The following LDAH variants were observed in gnomAD, a reference collection of about 807,000 sequenced individuals.
LDAH encodes the protein lipid droplet associated hydrolase.
LDAH carries 26 observed loss-of-function variants against 29.6 expected under a neutral mutation model. That is an observed-to-expected ratio of 0.88 (90% CI 0.64 to 1.22). The LOEUF (loss-of-function observed/expected upper bound fraction) is 1.22, where lower values mean the gene tolerates loss of function less well. Among genes scored for constraint, LDAH ranks in the 50% most tolerant of loss-of-function variants. The pLI, the probability that LDAH is intolerant of heterozygous loss-of-function variation, is 0.00. For missense variants in LDAH, 344 were observed against 387.3 expected (o/e 0.89, Z 0.94); for synonymous variants, 117 against 133.0 (o/e 0.88, Z 0.83).
intron 5 of LDAH, among the ~76,000 whole-genome samples, chr2:20,709,271 C>T (rs1664525575): frequency 6.6e-6 from 1 of 151,930 alleles, no homozygotes; most frequent in African/African-American, 2.4e-5. Context: ...GACTTGGGTC[C>T]CATTCCCAAA....
Position 20,703,689 on chromosome 2 carries a change from G to A in LDAH, c.704-2037C>T, listed in dbSNP as rs887818172. Among the ~76,000 whole-genome samples, 5 of 151,898 alleles carry A rather than the reference G, an allele frequency of 3.3e-5. No individual in the cohort carries two copies. In the East Asian group the frequency reaches 9.6e-4, roughly 29 times the overall value. Reference sequence around the variant, plus strand: ...ATATTTTTCTGAGTCAATTCTTCCTGGAGACCTCCTTTCCAGGACCCTGAG... The same window carrying A: ...ATATTTTTCTGAGTCAATTCTTCCTAGAGACCTCCTTTCCAGGACCCTGAG... On this transcript the variant is annotated intron_variant, in intron 5 of 6. Transcript: ENST00000237822.
At chr2:20,817,974 TAGAC>T (rs1022463770) in intron 1 of LDAH, among the ~76,000 whole-genome samples, 5 of 152,112 alleles carry the variant, frequency 3.3e-5, no homozygotes, top group African/African-American at 1.2e-4. Flanking sequence ...TGGGACAAGA[TAGAC>T]TGACTATAAG....
chr2:20,719,765 T>A (rs1026692631), intron 5 of LDAH, among the ~76,000 whole-genome samples: 1 of 151,964 alleles, frequency 6.6e-6, no homozygotes, highest in African/African-American at 2.4e-5. Context: ...ATTGAAAAGA[T>A]CACCATGATC....
At chr2:20,819,540 C>T (rs1460369866) in intron 1 of LDAH, among the ~76,000 whole-genome samples, 1 of 152,158 alleles carries the variant, frequency 6.6e-6, no homozygotes, top group Non-Finnish European at 1.5e-5. Flanking sequence ...TCAATAGATG[C>T]AGAAAAGGCC....
intron 6 of LDAH, among the ~76,000 whole-genome samples, chr2:20,694,714 G>A (rs1286989794): frequency 6.6e-6 from 1 of 152,214 alleles, no homozygotes; most frequent in African/African-American, 2.4e-5. Context: ...GGTGGGAATG[G>A]GAGCGCCAAA....
At position 20,698,308 on chromosome 2, in the gene LDAH, TACATAGGGAGTAAC is replaced by T. The variant is rs561897960; in HGVS notation, c.786+3248_786+3261del. Among the ~76,000 whole-genome samples, 228 of 152,322 alleles carry T rather than the reference TACATAGGGAGTAAC, an allele frequency of 1.5e-3. 4 individuals are homozygous for T. In the South Asian group the frequency reaches 0.044, roughly 29 times the overall value. On this transcript the variant is annotated intron_variant, in intron 6 of 6. Transcript: ENST00000237822. The surrounding 1 kb of genome is among the most constrained non-coding windows in gnomAD (Gnocchi z 4.4). Reference sequence around the variant, plus strand: ...CTGTGTGATAAATGCAATATAACTTTACATAGGGAGTAACATCTAACCAAAACCAAGGACTGGGA... The same window carrying T: ...CTGTGTGATAAATGCAATATAACTTTATCTAACCAAAACCAAGGACTGGGA...
At chr2:20,708,663 T>C (rs1025144880) in intron 5 of LDAH, among the ~76,000 whole-genome samples, 4 of 152,174 alleles carry the variant, frequency 2.6e-5, no homozygotes. Context: ...CTACCTCACA[T>C]GACATAGGAA....
intron 5 of LDAH, among the ~76,000 whole-genome samples, chr2:20,731,443 G>A (rs1666401825): frequency 1.3e-5 from 2 of 152,212 alleles, no homozygotes; most frequent in South Asian, 4.1e-4. Context: ...GTCCGCAGAA[G>A]TGGATGCCTC....
intron 5 of LDAH, among the ~76,000 whole-genome samples, chr2:20,729,072 T>G (rs192279052): frequency 7.6e-4 from 116 of 152,348 alleles, no homozygotes; most frequent in Middle Eastern, 3.4e-3. Context: ...CAAGCAACAA[T>G]GTAGTATAAA....
rs768788522 is a variant in LDAH at position 20,685,811 on chromosome 2, A to G, written c.*1092T>C. ...CTCTGCCATACCTCAATGTGTCTAG[A>G]GAAGGTGAATTCACATAACTTAATG... is the stretch of plus-strand genomic sequence containing the variant. On this transcript the variant is annotated 3_prime_UTR_variant, in exon 7 of 7. Coordinates refer to ENST00000237822, the MANE Select transcript of LDAH (RefSeq NM_021925.4). 49 of 861,678 alleles carry G rather than the reference A, an allele frequency of 5.7e-5. No individual in the cohort carries two copies. Among genetic ancestry groups the G allele is most frequent in the Non-Finnish European group, 7.1e-5 (43 of 606,634 alleles). 53.4% of individuals were successfully genotyped at this position (861,678 alleles called of 1,614,324 possible).
At chr2:20,811,081 G>C (rs892618300) in intron 1 of LDAH, among the ~76,000 whole-genome samples, 6 of 151,084 alleles carry the variant, frequency 4.0e-5, no homozygotes, top group Admixed American at 6.6e-5. Context: ...GCAGTGGCGC[G>C]ATCTCGGCTC....
chr2:20,686,921 A>G lies in LDAH; in HGVS notation c.960T>C (p.Asp320=), dbSNP rs1276943925. 1 of 1,613,670 alleles carries G rather than the reference A, an allele frequency of 6.2e-7. No homozygotes were observed. The highest frequency in any genetic ancestry group is 2.2e-5 in the East Asian group (1 of 44,874). ...GGCCAATTTACATTTTGGACAAGTC[A>G]TCCTTTAGGGAGTCAGCAATCATGT... ...MADMIADSLK[D]DLSKM is the part of the protein sequence containing the mutation. Residue 320 remains aspartate, a synonymous_variant, in exon 7 of 7, where the codon GAT becomes GAC. Transcript: ENST00000237822.
Position 20,686,878 on chromosome 2 carries a change from G to C in LDAH, c.*25C>G, listed in dbSNP as rs1383354273. 2 of 1,599,336 alleles carry C rather than the reference G, an allele frequency of 1.3e-6. No individual in the cohort carries two copies. The highest frequency in any genetic ancestry group is 8.5e-7 in the Non-Finnish European group (1 of 1,170,574). ...CACTGACTGCCTCCATGTACTGGCA[G>C]TGGGGGCTTGTTCCTCAGGCCAATT... On this transcript the variant is annotated 3_prime_UTR_variant, in exon 7 of 7. Transcript: ENST00000237822.
intron 2 of LDAH, among the ~76,000 whole-genome samples, chr2:20,793,921 T>A (rs1011858971): frequency 6.6e-6 from 1 of 152,148 alleles, no homozygotes; most frequent in African/African-American, 2.4e-5. Context: ...ACTGGTGAAT[T>A]CTATCAAACA....
chr2:20,759,349 CA>C (rs1668531867), intron 4 of LDAH, among the ~76,000 whole-genome samples: 1 of 152,152 alleles, frequency 6.6e-6, no homozygotes, highest in African/African-American at 2.4e-5. Flanking sequence ...TGCTTCTTCC[CA>C]AACAAATACA....
At chr2:20,805,122 T>TAAATTGATA (rs1671970902) in intron 1 of LDAH, among the ~76,000 whole-genome samples, 1 of 152,138 alleles carries the variant, frequency 6.6e-6, no homozygotes, top group Non-Finnish European at 1.5e-5. Context: ...TATATTCAAA[T>TAAATTGATA]CATAAATATC....
intron 6 of LDAH, among the ~76,000 whole-genome samples, chr2:20,688,383 G>C (rs149435918): frequency 9.8e-4 from 150 of 152,334 alleles, no homozygotes; most frequent in African/African-American, 3.6e-3. Context: ...GAGAGGCAGA[G>C]AGGGATGAGG....
chr2:20,688,828 CTTTTTTT>C (rs57543886), intron 6 of LDAH, among the ~76,000 whole-genome samples: 66 of 111,992 alleles, frequency 5.9e-4, no homozygotes, highest in Admixed American at 2.0e-3. Context: ...TGGAGGTTTC[CTTTTTTT>C]TTTTTTTTTT....
At chr2:20,772,129 G>A (rs1669474759) in intron 4 of LDAH, among the ~76,000 whole-genome samples, 1 of 152,224 alleles carries the variant, frequency 6.6e-6, no homozygotes, top group Admixed American at 6.5e-5. Context: ...TCAAGACAAT[G>A]TATTGAACAA....
Sources: allele counts gnomAD v4.1 joint callset (sites outside exome capture counted in the v4.1 genomes callset), GRCh38; gene constraint gnomAD v4.1.1; non-coding constraint Gnocchi (gnomAD v3.1); transcripts MANE v1.5; gene names NCBI Gene and HGNC (gene_info 2026-07-23, HGNC 2026-07-21).